The following DORIP1 variants were observed in gnomAD, a reference collection of about 807,000 sequenced individuals.
DORIP1 encodes the protein dopamine receptor interacting protein 1.
At chr14:44,900,330 T>C in the DORIP1 span, 5 of 1,122,532 alleles carry the variant, frequency 4.5e-6, no homozygotes, top group Admixed American at 3.5e-5. Flanking sequence ...AATAACCACA[T>C]TTGATTTGAG....
the DORIP1 span, chr14:44,903,794 C>T: frequency 1.0e-6 from 1 of 976,492 alleles, no homozygotes; most frequent in Non-Finnish European, 1.2e-6. Flanking sequence ...GTTAATTGTA[C>T]CTATTAAGTC....
At chr14:44,904,599 G>A in the DORIP1 span, 1 of 1,391,180 alleles carries the variant, frequency 7.2e-7, no homozygotes, top group East Asian at 2.5e-5. Context: ...TTATGATTTT[G>A]ACTAGCCCTT....
chr14:44,897,510 T>G, the DORIP1 span: 2 of 201,686 alleles, frequency 9.9e-6, no homozygotes, highest in Non-Finnish European at 1.9e-5. Flanking sequence ...GGGCTCTCCA[T>G]GAGCAGGCGG....
At chr14:44,906,517 T>C in the DORIP1 span, 1 of 152,592 alleles carries the variant, frequency 6.6e-6, no homozygotes, top group African/African-American at 2.4e-5. Context: ...TAAGTAGTGA[T>C]TGATAGCATG....
chr14:44,899,211 T>C, the DORIP1 span: 16 of 152,242 alleles, frequency 1.1e-4, no homozygotes, highest in African/African-American at 3.4e-4. Context: ...TAACACAACA[T>C]ATTTATTAAA....
chr14:44,900,654 T>G, the DORIP1 span: 1 of 1,607,742 alleles, frequency 6.2e-7, no homozygotes, highest in East Asian at 2.2e-5. Flanking sequence ...TTAATGAAAA[T>G]GAAAACTTCC....
At chr14:44,903,833 C>A in the DORIP1 span, 1 of 984,858 alleles carries the variant, frequency 1.0e-6, no homozygotes, top group East Asian at 1.1e-4. Context: ...ATTGTAGCAA[C>A]AAATACTGAA....
chr14:44,905,038 GTTAC>G, the DORIP1 span: 15 of 193,840 alleles, frequency 7.7e-5, no homozygotes, highest in East Asian at 6.3e-4. Context: ...AACATAAAAT[GTTAC>G]TTGTCACTAT....
chr14:44,901,652 C>T, the DORIP1 span, among the ~76,000 whole-genome samples: 1 of 152,172 alleles, frequency 6.6e-6, no homozygotes, highest in Admixed American at 6.5e-5. Context: ...ATGTTTCACC[C>T]TTTGAATAGG....
At chr14:44,904,432 T>G in the DORIP1 span, 1 of 1,611,210 alleles carries the variant, frequency 6.2e-7, no homozygotes, top group Non-Finnish European at 8.5e-7. Flanking sequence ...ACGAATTTTC[T>G]GCCATGGGGC....
chr14:44,899,570 G>A, the DORIP1 span, among the ~76,000 whole-genome samples: 1 of 149,514 alleles, frequency 6.7e-6, no homozygotes, highest in Non-Finnish European at 1.5e-5. Context: ...ATAGCAACAG[G>A]AGTTTTTTTT....
chr14:44,900,326 C>CT, the DORIP1 span: 1 of 1,070,612 alleles, frequency 9.3e-7, no homozygotes, highest in African/African-American at 1.7e-5. Flanking sequence ...GCCTAATAAC[C>CT]ACATTTGATT....
chr14:44,903,794 C>G, the DORIP1 span: 1 of 976,492 alleles, frequency 1.0e-6, no homozygotes, highest in Non-Finnish European at 1.2e-6. Flanking sequence ...GTTAATTGTA[C>G]CTATTAAGTC....
the DORIP1 span, chr14:44,907,027 AG>A: frequency 6.6e-6 from 1 of 152,562 alleles, no homozygotes; most frequent in African/African-American, 2.4e-5. Flanking sequence ...CATGAACTGA[AG>A]TATACAATAA....
the DORIP1 span, chr14:44,900,536 C>G: frequency 3.9e-5 from 62 of 1,602,294 alleles, no homozygotes; most frequent in Admixed American, 6.0e-4. Flanking sequence ...GGTGTTTTTA[C>G]TATCAAAGCT....
chr14:44,900,324 A>T, the DORIP1 span: 1 of 1,062,998 alleles, frequency 9.4e-7, no homozygotes, highest in Non-Finnish European at 1.3e-6. Flanking sequence ...AGGCCTAATA[A>T]CCACATTTGA....
chr14:44,904,601 C>G, the DORIP1 span: 1 of 1,382,644 alleles, frequency 7.2e-7, no homozygotes, highest in Non-Finnish European at 9.7e-7. Context: ...ATGATTTTGA[C>G]TAGCCCTTAA....
chr14:44,902,553 C>T, the DORIP1 span, among the ~76,000 whole-genome samples: 1 of 152,054 alleles, frequency 6.6e-6, no homozygotes, highest in South Asian at 2.1e-4. Flanking sequence ...TGGTCTCAAA[C>T]TTCTGATTCA....
chr14:44,905,129 T>G, the DORIP1 span: 1 of 334,692 alleles, frequency 3.0e-6, no homozygotes, highest in Middle Eastern at 8.1e-4. Flanking sequence ...TTCTTACGTG[T>G]TTACTCTTTT....
Sources: allele counts gnomAD v4.1 joint callset (sites outside exome capture counted in the v4.1 genomes callset), GRCh38; gene constraint gnomAD v4.1.1; transcripts MANE v1.5; gene names NCBI Gene and HGNC (gene_info 2026-07-23, HGNC 2026-07-21).